The following ANK1 variants were observed in gnomAD, a reference collection of about 807,000 sequenced individuals.
The protein encoded by ANK1 is ankyrin 1, also known as ankyrin-1.
A neutral mutation model predicts 210.4 loss-of-function variants in ANK1; 51 were observed. The ratio of observed to expected loss-of-function variants is 0.24; its 90% CI spans 0.19 to 0.31. ANK1 has a LOEUF of 0.31. Ranked by LOEUF, ANK1 falls within the 10% of genes least tolerant of loss-of-function variation. ANK1 has a pLI of 1.00. For synonymous variants in ANK1, 967 were observed against 1,025.9 expected (o/e 0.94, Z 1.10); for missense variants, 2,051 against 2,504.4 (o/e 0.82, Z 3.86).
At chr8:41,699,343 C>T (rs1822010635) in intron 23 of ANK1, 109 bp downstream of exon 23, 10 of 1,030,996 alleles carry the variant, frequency 9.7e-6, no homozygotes, top group South Asian at 2.5e-5. Context: ...CTGCGGGCAG[C>T]GAGCCCAGCG....
chr8:41,714,063 T>G (rs1826917843), intron 16 of ANK1, 93 bp downstream of exon 16: 2 of 921,358 alleles, frequency 2.2e-6, no homozygotes, highest in East Asian at 3.2e-5. Flanking sequence ...CGCAAAACCC[T>G]TGGGCTGCTG....
chr8:41,755,871 G>T (rs1839013794), intron 2 of ANK1, among the ~76,000 whole-genome samples: 1 of 152,210 alleles, frequency 6.6e-6, no homozygotes, highest in African/African-American at 2.4e-5. Flanking sequence ...TGGGTGGAGG[G>T]ATGAGAAAAG....
chr8:41,667,399 A>G (rs922974498), intron 39 of ANK1, among the ~76,000 whole-genome samples: 1 of 152,228 alleles, frequency 6.6e-6, no homozygotes, highest in Non-Finnish European at 1.5e-5. Flanking sequence ...TCGTTCATGT[A>G]CATACTAAAC....
At chr8:41,802,401 T>C (rs1245034314), upstream of ANK1, among the ~76,000 whole-genome samples, 3 of 152,198 alleles carry the variant, frequency 2.0e-5, no homozygotes. Flanking sequence ...CCCTGCACCA[T>C]TGATTAGCCC....
chr8:41,851,826 C>A (rs1811303327), intron 1 of ANK1, among the ~76,000 whole-genome samples: 1 of 152,120 alleles, frequency 6.6e-6, no homozygotes, highest in Non-Finnish European at 1.5e-5. Flanking sequence ...CACTGCACAC[C>A]AGCTGGGTGA....
At position 41,653,790 on chromosome 8, in the gene ANK1, G is replaced by C. The variant is rs1395543895; in HGVS notation, c.*2000C>G. The stretch of plus-strand genomic sequence containing the variant: ...CCTCTGGCGGAGACGGCAGCCGTCC[G>C]GGCTCGCCCTGCAGCTCCTCCGACG... On this transcript the variant is annotated 3_prime_UTR_variant, in exon 43 of 43. Transcript: ENST00000289734. The C allele has an allele frequency of 6.6e-6, 1 of 152,192 alleles. No individual in the cohort carries two copies. Among genetic ancestry groups the C allele is most frequent in the Non-Finnish European group, 1.5e-5 (1 of 68,058 alleles). 9.4% of individuals were successfully genotyped at this position (152,192 alleles called of 1,614,324 possible).
chr8:41,856,932 A>AG (rs1217165063), intron 1 of ANK1, among the ~76,000 whole-genome samples: 2 of 123,962 alleles, frequency 1.6e-5, no homozygotes, highest in South Asian at 5.2e-4. Flanking sequence ...CCCAGGCTGG[A>AG]GTGCAGTGGC....
chr8:41,661,794 T>TC, intron 41 of ANK1, 82 bp downstream of exon 41: 12 of 1,613,610 alleles, frequency 7.4e-6, no homozygotes, highest in Non-Finnish European at 1.0e-5. Flanking sequence ...CGCGGGCGCC[T>TC]CAGTACCTTG....
chr8:41,727,867 G>A, intron 4 of ANK1, 41 bp downstream of exon 4: 1 of 1,601,146 alleles, frequency 6.2e-7, no homozygotes, highest in Non-Finnish European at 8.6e-7. Flanking sequence ...AACCACCTGT[G>A]GAAAGGCAAC....
intron 1 of ANK1, among the ~76,000 whole-genome samples, chr8:41,843,009 A>T (rs920700355): frequency 1.3e-5 from 2 of 152,038 alleles, no homozygotes; most frequent in African/African-American, 4.8e-5. Flanking sequence ...AACCACACCC[A>T]GCTAATTTTT....
intron 1 of ANK1, among the ~76,000 whole-genome samples, chr8:41,831,655 AG>A (rs1428088833): frequency 0.075 from 9,604 of 128,454 alleles, 973 homozygotes; most frequent in African/African-American, 0.27. Flanking sequence ...AAAAAAAAAA[AG>A]AAGAAGAAAA....
chr8:41,791,194 GTTTTTTTTTTTTT>G lies in ANK1; in HGVS notation c.27+6305_27+6317del, dbSNP rs71239082. Among the ~76,000 whole-genome samples, 15 of 70,152 alleles carry G rather than the reference GTTTTTTTTTTTTT, an allele frequency of 2.1e-4. No homozygotes were observed. In the East Asian group the frequency reaches 2.3e-3, roughly 11 times the overall value. 46.0% of individuals were successfully genotyped at this position (70,152 alleles called of 152,430 possible). A position where few individuals can be genotyped will look rare whatever the true frequency, so the allele number is the denominator to read the frequency against. The stretch of plus-strand genomic sequence containing the variant: ...TTCAGCTTTTCTCAGTACTAACTTT[GTTTTTTTTTTTTT>G]TTTTTTTTTTTTTTGAGATGGCATC... On this transcript the variant is annotated intron_variant, in intron 1 of 42. Coordinates refer to ENST00000289734, the MANE Select transcript of ANK1 (RefSeq NM_000037.4).
chr8:41,858,817 G>A (rs1812696421), intron 1 of ANK1, among the ~76,000 whole-genome samples: 1 of 152,230 alleles, frequency 6.6e-6, no homozygotes, highest in Admixed American at 6.5e-5. Context: ...CCTGGTATCA[G>A]GGTGACTGGC....
chr8:41,692,516 T>C (rs751058087), intron 31 of ANK1, 132 bp downstream of exon 31: 4 of 869,748 alleles, frequency 4.6e-6, no homozygotes, highest in Non-Finnish European at 7.4e-6. Context: ...TCAAGAGGGG[T>C]CTCAAAGACA....
At chr8:41,727,117 A>G in intron 5 of ANK1, 133 bp downstream of exon 5, 1 of 741,404 alleles carries the variant, frequency 1.3e-6, no homozygotes, top group Non-Finnish European at 2.4e-6. Context: ...ACTCTGGATT[A>G]GTGCAGCGAC....
At chr8:41,838,914 TA>T (rs907077237) in intron 1 of ANK1, among the ~76,000 whole-genome samples, 9 of 151,896 alleles carry the variant, frequency 5.9e-5, no homozygotes, top group Non-Finnish European at 1.0e-4. Context: ...CTGCCTCTAC[TA>T]AAAGTACAAA....
intron 1 of ANK1, among the ~76,000 whole-genome samples, chr8:41,824,579 T>C (rs1353679157): frequency 6.6e-6 from 1 of 152,148 alleles, no homozygotes; most frequent in Middle Eastern, 3.2e-3. Flanking sequence ...CGGTGGTAGA[T>C]ACCATGATTC....
At chr8:41,806,805 T>C (rs1480362854) in intron 1 of ANK1, among the ~76,000 whole-genome samples, 1 of 152,150 alleles carries the variant, frequency 6.6e-6, no homozygotes, top group Non-Finnish European at 1.5e-5. Flanking sequence ...CTCTCGATGG[T>C]TTTCCATGAC....
chr8:41,757,943 A>C (rs933193358), intron 2 of ANK1, 93 bp downstream of exon 2: 10 of 1,176,054 alleles, frequency 8.5e-6, no homozygotes, highest in Non-Finnish European at 1.3e-5. Context: ...CCACTGAGAA[A>C]AGGTTAATAG....
Sources: gnomAD v4.1 joint callset for allele counts (sites outside exome capture counted in the v4.1 genomes callset) on GRCh38, gnomAD v4.1.1 for gene constraint, MANE v1.5 for transcripts, NCBI Gene and HGNC (gene_info 2026-07-23, HGNC 2026-07-21) for gene names.